The following DNASE1 variants were observed in gnomAD, a reference collection of about 807,000 sequenced individuals.
The protein encoded by DNASE1 is deoxyribonuclease 1.
In DNASE1, 40 loss-of-function variants were observed where a neutral mutation model predicts 33.9. That is an observed-to-expected ratio of 1.18 (90% confidence interval 0.92 to 1.54). The LOEUF (loss-of-function observed/expected upper bound fraction) is 1.54, where lower values mean the gene tolerates loss of function less well. Ranked by LOEUF, DNASE1 falls within the 40% of genes most tolerant of loss-of-function variation. DNASE1 has a pLI of 0.00. For missense variants in DNASE1, 518 were observed against 372.6 expected (o/e 1.39, Z -3.21); for synonymous variants, 216 against 160.0 (o/e 1.35, Z -2.64).
Position 3,663,658 on chromosome 16 carries a change from C to T in DNASE1, c.*5705C>T, listed in dbSNP as rs755276469. On this transcript the variant is annotated 3_prime_UTR_variant, in exon 10 of 10. Transcript: ENST00000407479. ...CGGCAGGAGGGCTGGGGGAGCCAAG[C>T]GGGCCACACTGGGGAACACCGGGGC... 5 of 1,520,980 alleles carry T rather than the reference C, an allele frequency of 3.3e-6. No individual in the cohort carries two copies. The South Asian group carries it at 4.8e-5, about 15-fold the overall frequency. The allele number at this position is 1,520,980 out of a possible 1,614,324, so 94.2% of individuals were successfully genotyped here.
intron 1 of DNASE1, among the ~76,000 whole-genome samples, chr16:3,635,003 G>A (rs2041824790): frequency 6.6e-6 from 1 of 151,916 alleles, no homozygotes; most frequent in African/African-American, 2.4e-5. Context: ...TCACCATTTT[G>A]ATGCCAAACT....
chr16:3,637,755 G>T (rs1334798796), intron 1 of DNASE1, among the ~76,000 whole-genome samples: 1 of 152,190 alleles, frequency 6.6e-6, no homozygotes, highest in East Asian at 1.9e-4. Flanking sequence ...GACTGTGAGA[G>T]TCTGGTAGGG....
At chr16:3,655,282 GC>G in intron 1 of DNASE1, 90 bp from the exon 2 acceptor site, 1 of 1,571,864 alleles carries the variant, frequency 6.4e-7, no homozygotes, top group South Asian at 1.1e-5. Flanking sequence ...AGCTCCACCA[GC>G]CCCTGCCAGC....
At chr16:3,651,331 G>C (rs995799734), upstream of DNASE1, 1 of 152,216 alleles carries the variant, frequency 6.6e-6, no homozygotes, top group African/African-American at 2.4e-5. Flanking sequence ...AATTTAACCT[G>C]AGAAGGCTGC....
downstream of DNASE1, chr16:3,660,264 C>T (rs550362861): frequency 3.8e-4 from 58 of 152,312 alleles, no homozygotes; most frequent in African/African-American, 1.3e-3. Flanking sequence ...ACTGGGGACA[C>T]AGGTAGGAGG....
At chr16:3,658,157 A>G, downstream of DNASE1, 1 of 1,614,094 alleles carries the variant, frequency 6.2e-7, no homozygotes, top group Non-Finnish European at 8.5e-7. Context: ...CTTGACAAGC[A>G]GCTCATTCAA....
chr16:3,649,380 G>T (rs1161836474), intron 1 of DNASE1, among the ~76,000 whole-genome samples: 1 of 152,224 alleles, frequency 6.6e-6, no homozygotes, highest in Non-Finnish European at 1.5e-5. Flanking sequence ...AGAAGAACAA[G>T]TTGAGTTCCT....
At chr16:3,641,790 G>C (rs2042030195), upstream of DNASE1, among the ~76,000 whole-genome samples, 1 of 152,184 alleles carries the variant, frequency 6.6e-6, no homozygotes, top group African/African-American at 2.4e-5. Flanking sequence ...CCCACTGGGA[G>C]GCCCACATTG....
At chr16:3,663,016 C>G, downstream of DNASE1, 1 of 1,476,084 alleles carries the variant, frequency 6.8e-7, no homozygotes, top group African/African-American at 1.4e-5. Flanking sequence ...CCCAACTCCC[C>G]GGCTTCCATG....
chr16:3,626,871 T>C (rs1308177206), intron 1 of DNASE1, among the ~76,000 whole-genome samples: 2 of 152,130 alleles, frequency 1.3e-5, no homozygotes, highest in Admixed American at 1.3e-4. Flanking sequence ...CTTTTATTTA[T>C]TTTATTTTAT....
At chr16:3,617,798 AAAAG>A (rs2041162201) in intron 1 of DNASE1, among the ~76,000 whole-genome samples, 1 of 152,036 alleles carries the variant, frequency 6.6e-6, no homozygotes, top group South Asian at 2.1e-4. Flanking sequence ...TTTTTTTAAA[AAAAG>A]AAAAGAGGCC....
chr16:3,663,673 A>G (rs2050746991), exon 10 of DNASE1: 1 of 1,416,500 alleles, frequency 7.1e-7, no homozygotes. Context: ...CACACTGGGG[A>G]ACACCGGGGC....
At chr16:3,632,040 C>G (rs1740871922) in intron 1 of DNASE1, among the ~76,000 whole-genome samples, 1 of 152,150 alleles carries the variant, frequency 6.6e-6, no homozygotes, top group Admixed American at 6.6e-5. Flanking sequence ...TCAGTTGTCA[C>G]AAAATTACAT....
chr16:3,640,070 C>G (rs2041988601), upstream of DNASE1, among the ~76,000 whole-genome samples: 1 of 152,214 alleles, frequency 6.6e-6, no homozygotes. Flanking sequence ...AGCTCTATTA[C>G]TAAGGGTGAT....
chr16:3,618,067 C>A (rs540848748), intron 1 of DNASE1, among the ~76,000 whole-genome samples: 2 of 142,842 alleles, frequency 1.4e-5, no homozygotes, highest in East Asian at 4.0e-4. Context: ...AGAACTTGTC[C>A]TGTGAAGAAG....
intron 1 of DNASE1, among the ~76,000 whole-genome samples, chr16:3,626,963 CT>C (rs1339365360): frequency 1.3e-5 from 2 of 151,622 alleles, no homozygotes; most frequent in Non-Finnish European, 2.9e-5. Context: ...CTTTGAACTC[CT>C]GAGCTCCAGT....
At chr16:3,613,943 C>G (rs374592112) in intron 1 of DNASE1, among the ~76,000 whole-genome samples, 266 of 133,414 alleles carry the variant, frequency 2.0e-3, no homozygotes, top group African/African-American at 7.6e-3. Flanking sequence ...GACAAAATCT[C>G]GCTCTGTTGC....
chr16:3,618,358 G>A (rs1186012295), intron 1 of DNASE1, among the ~76,000 whole-genome samples: 1 of 152,146 alleles, frequency 6.6e-6, no homozygotes, highest in East Asian at 1.9e-4. Context: ...ACAGTTTGAG[G>A]TTCCTGAACA....
At chr16:3,654,433 A>AG (rs1457788039), upstream of DNASE1, 2 of 398,584 alleles carry the variant, frequency 5.0e-6, no homozygotes, top group African/African-American at 4.1e-5. Context: ...GCCACAGAGC[A>AG]GTCATGGCTG....
Sources: gnomAD v4.1 joint callset for allele counts (sites outside exome capture counted in the v4.1 genomes callset) on GRCh38, gnomAD v4.1.1 for gene constraint, MANE v1.5 for transcripts, NCBI Gene and HGNC (gene_info 2026-07-23, HGNC 2026-07-21) for gene names.